GMDS: variants seen among roughly 807,000 people sequenced by gnomAD.
GMDS encodes GDP-mannose 4,6-dehydratase, also known as GDP-mannose 4,6 dehydratase.
In GMDS, 20 loss-of-function variants were observed where a neutral mutation model predicts 49.9. The observed-to-expected ratio is 0.40, with a 90% CI of 0.28 to 0.58. The LOEUF (loss-of-function observed/expected upper bound fraction) is 0.58, where lower values mean the gene tolerates loss of function less well. Ranked by LOEUF, GMDS falls within the 20% of genes least tolerant of loss-of-function variation. GMDS has a pLI of 0.42. For synonymous variants in GMDS, 177 were observed against 178.6 expected (o/e 0.99, Z 0.07); for missense variants, 362 against 481.4 (o/e 0.75, Z 2.32).
chr6:2,078,627 A>T (rs1772485933), intron 4 of GMDS, among the ~76,000 whole-genome samples: 1 of 152,080 alleles, frequency 6.6e-6, no homozygotes, highest in Admixed American at 6.5e-5. Flanking sequence ...CTGAGGACAT[A>T]GTTGATATGA....
At chr6:2,022,017 G>A (rs539896769) in intron 4 of GMDS, among the ~76,000 whole-genome samples, 5 of 152,242 alleles carry the variant, frequency 3.3e-5, no homozygotes, top group South Asian at 2.1e-4. Flanking sequence ...GAGAAAAGCT[G>A]GACTTGAGGA....
chr6:2,058,384 G>T (rs572353275), intron 4 of GMDS, among the ~76,000 whole-genome samples: 1 of 150,328 alleles, frequency 6.7e-6, no homozygotes, highest in African/African-American at 2.4e-5. Context: ...GCATTAGAAG[G>T]AGGAAAAATG....
At chr6:2,025,351 T>A (rs1768519496) in intron 4 of GMDS, among the ~76,000 whole-genome samples, 1 of 134,506 alleles carries the variant, frequency 7.4e-6, no homozygotes, top group Admixed American at 8.3e-5. Flanking sequence ...GTAAATCTGA[T>A]GGTGGGGTGT....
At chr6:1,725,301 G>A (rs1766539722) in intron 9 of GMDS, among the ~76,000 whole-genome samples, 1 of 152,218 alleles carries the variant, frequency 6.6e-6, no homozygotes, top group Non-Finnish European at 1.5e-5. Flanking sequence ...AGCTTTATAA[G>A]TTTAGGAAAG....
chr6:1,742,068 C>T (rs368391331), intron 8 of GMDS, among the ~76,000 whole-genome samples: 8 of 151,216 alleles, frequency 5.3e-5, no homozygotes, highest in East Asian at 4.0e-4. Flanking sequence ...ATAACAGGCG[C>T]GCACCACCAC....
intron 4 of GMDS, among the ~76,000 whole-genome samples, chr6:2,084,412 T>A (rs1181121072): frequency 6.6e-6 from 1 of 152,198 alleles, no homozygotes; most frequent in African/African-American, 2.4e-5. Flanking sequence ...ATGATCAAAC[T>A]TTCCAATCTC....
At chr6:1,946,418 T>C (rs1174770701) in intron 6 of GMDS, among the ~76,000 whole-genome samples, 1 of 152,136 alleles carries the variant, frequency 6.6e-6, no homozygotes, top group Non-Finnish European at 1.5e-5. Context: ...CTACAACTAC[T>C]TCATCGTTTT....
chr6:1,899,294 G>GTT (rs565806414), intron 7 of GMDS, among the ~76,000 whole-genome samples: 16 of 144,620 alleles, frequency 1.1e-4, no homozygotes, highest in South Asian at 4.4e-4. Flanking sequence ...TTTGATTTGT[G>GTT]TTTTTTTTTT....
At position 2,214,306 on chromosome 6, in the gene GMDS, G is replaced by A. The variant is rs28588249; in HGVS notation, c.102+31015C>T. ...GCCTTTTCTATACCTCAGAGTAACC[G>A]AATACAGTTGGCCCCTATATCCATC... On this transcript the variant is annotated intron_variant, in intron 1 of 10. Coordinates refer to ENST00000380815, the MANE Select transcript of GMDS (RefSeq NM_001500.4). 9.1e-3 allele frequency among the ~76,000 whole-genome samples: 1,384 copies of A among 152,132 alleles called. 18 individuals are homozygous for A. Among genetic ancestry groups the A allele is most frequent in the African/African-American group, 0.032 (1,325 of 41,480 alleles).
chr6:1,939,018 C>T (rs552596715), intron 6 of GMDS, among the ~76,000 whole-genome samples: 1 of 138,986 alleles, frequency 7.2e-6, no homozygotes, highest in East Asian at 2.5e-4. Context: ...TTCTCTCTCT[C>T]TCTCTTTCTT....
At chr6:2,147,691 G>T (rs1776631360) in intron 1 of GMDS, among the ~76,000 whole-genome samples, 1 of 151,342 alleles carries the variant, frequency 6.6e-6, no homozygotes, top group African/African-American at 2.4e-5. Flanking sequence ...AGAGCAACAA[G>T]CTTGTATTTC....
At chr6:2,124,800 G>T in intron 1 of GMDS, 69 bp from the exon 2 acceptor site, 1 of 1,218,456 alleles carries the variant, frequency 8.2e-7, no homozygotes, top group Non-Finnish European at 1.2e-6. Flanking sequence ...TAGATGAAGA[G>T]TTTTGAGAAA....
chr6:1,648,345 G>A (rs1392565125), intron 9 of GMDS, among the ~76,000 whole-genome samples: 1 of 152,196 alleles, frequency 6.6e-6, no homozygotes, highest in East Asian at 1.9e-4. Context: ...TGGTCGGAAG[G>A]AAACCTTTCT....
intron 9 of GMDS, among the ~76,000 whole-genome samples, chr6:1,657,150 C>T (rs1763909525): frequency 6.6e-6 from 1 of 152,188 alleles, no homozygotes; most frequent in Admixed American, 6.5e-5. Context: ...ACCACGAATC[C>T]TCTTAAAGAG....
At chr6:2,096,062 G>A (rs1773587248) in intron 4 of GMDS, among the ~76,000 whole-genome samples, 1 of 152,024 alleles carries the variant, frequency 6.6e-6, no homozygotes, top group African/African-American at 2.4e-5. Context: ...AAACTGAATG[G>A]ACAAAGGATA....
At chr6:1,694,964 C>T (rs1364721017) in intron 9 of GMDS, among the ~76,000 whole-genome samples, 1 of 152,176 alleles carries the variant, frequency 6.6e-6, no homozygotes, top group African/African-American at 2.4e-5. Context: ...CACAATACCA[C>T]AGAGGAGGGT....
At chr6:2,173,396 C>G (rs887520820) in intron 1 of GMDS, among the ~76,000 whole-genome samples, 1 of 152,098 alleles carries the variant, frequency 6.6e-6, no homozygotes, top group African/African-American at 2.4e-5. Context: ...CTGCACCCAG[C>G]CGATGATTTG....
At chr6:1,834,200 T>C (rs963846613) in intron 7 of GMDS, among the ~76,000 whole-genome samples, 1 of 152,178 alleles carries the variant, frequency 6.6e-6, no homozygotes, top group African/African-American at 2.4e-5. Context: ...AGCTATTCTA[T>C]AAGGATTCAT....
At chr6:1,955,851 A>C (rs1420074350) in intron 6 of GMDS, among the ~76,000 whole-genome samples, 1 of 152,196 alleles carries the variant, frequency 6.6e-6, no homozygotes, top group Non-Finnish European at 1.5e-5. Context: ...CGTAATGAGC[A>C]CGTGTCCAAG....
Sources: allele counts gnomAD v4.1 joint callset (sites outside exome capture counted in the v4.1 genomes callset), GRCh38; gene constraint gnomAD v4.1.1; transcripts MANE v1.5; gene names NCBI Gene and HGNC (gene_info 2026-07-23, HGNC 2026-07-21).